Variants in GIPC2 observed in about 807,000 individuals in gnomAD.
GIPC2 encodes the protein PDZ domain-containing protein GIPC2.
GIPC2 carries 30 observed loss-of-function variants against 30.6 expected under a neutral mutation model. The observed-to-expected ratio is 0.98, with a 90% CI of 0.73 to 1.33. The LOEUF (loss-of-function observed/expected upper bound fraction) is 1.33, where lower values mean the gene tolerates loss of function less well. Ranked by LOEUF, GIPC2 falls within the 40% of genes most tolerant of loss-of-function variation. The pLI is 0.00. For synonymous variants in GIPC2, 167 were observed against 150.0 expected, an observed-to-expected ratio of 1.11 and a Z score of -0.83; for missense variants, 414 against 390.3, an observed-to-expected ratio of 1.06 and a Z score of -0.51.
intron 4 of GIPC2, among the ~76,000 whole-genome samples, chr1:78,121,941 A>G (rs539846153): frequency 2.0e-5 from 3 of 152,184 alleles, no homozygotes; most frequent in Non-Finnish European, 4.4e-5. Flanking sequence ...GGCTGTGAGG[A>G]AAAATGAGCA....
intron 2 of GIPC2, chr1:78,091,546 C>T: frequency 1.3e-6 from 1 of 754,944 alleles, no homozygotes; most frequent in Admixed American, 1.8e-5. Context: ...AGGACCTGCT[C>T]CTGCAGGATT....
chr1:78,077,862 G>T (rs144365169), intron 1 of GIPC2, among the ~76,000 whole-genome samples: 1 of 152,162 alleles, frequency 6.6e-6, no homozygotes. Context: ...CTTTTGATGA[G>T]TGAATGAGCA....
chr1:78,124,852 A>G (rs932769147), intron 4 of GIPC2, among the ~76,000 whole-genome samples: 4 of 152,132 alleles, frequency 2.6e-5, no homozygotes, highest in African/African-American at 9.7e-5. Context: ...CTAAAAAAAT[A>G]CAAAAAATTA....
intron 2 of GIPC2, among the ~76,000 whole-genome samples, chr1:78,091,220 T>C (rs910043935): frequency 1.3e-5 from 2 of 152,250 alleles, no homozygotes; most frequent in African/African-American, 4.8e-5. Context: ...TAAATATCCT[T>C]TTCCTAGGCT....
intron 5 of GIPC2, among the ~76,000 whole-genome samples, chr1:78,134,466 C>T (rs1344867816): frequency 6.6e-6 from 1 of 151,940 alleles, no homozygotes; most frequent in Non-Finnish European, 1.5e-5. Flanking sequence ...CCATCCTCAC[C>T]ACATCTGTAC....
At chr1:78,062,043 G>A (rs539060522) in intron 1 of GIPC2, among the ~76,000 whole-genome samples, 5 of 152,304 alleles carry the variant, frequency 3.3e-5, no homozygotes, top group African/African-American at 9.6e-5. Flanking sequence ...ATAAATCAAA[G>A]CACATGGAGA....
intron 1 of GIPC2, among the ~76,000 whole-genome samples, chr1:78,057,331 C>T (rs2102638635): frequency 6.6e-6 from 1 of 152,196 alleles, no homozygotes. Context: ...CCTAAGAAAC[C>T]CTCTCAGCTA....
chr1:78,098,256 T>C (rs114567941), intron 3 of GIPC2, among the ~76,000 whole-genome samples: 1,846 of 152,252 alleles, frequency 0.012, 42 homozygotes, highest in African/African-American at 0.042. Flanking sequence ...TGTTTGGCAG[T>C]GGACTATCTA....
At chr1:78,088,009 C>T (rs990021775) in intron 2 of GIPC2, among the ~76,000 whole-genome samples, 1 of 152,012 alleles carries the variant, frequency 6.6e-6, no homozygotes, top group Non-Finnish European at 1.5e-5. Flanking sequence ...AAAGCTGAAC[C>T]TCACTGATCA....
chr1:78,118,247 CAAAAAAAAAAA>C (rs71810685), intron 3 of GIPC2, among the ~76,000 whole-genome samples: 20,207 of 34,366 alleles, frequency 0.59, 5,758 homozygotes, highest in East Asian at 0.81. Context: ...AGTTTCATTG[CAAAAAAAAAAA>C]AAAAAAAAAA....
At chr1:78,071,657 G>C (rs1365306993) in intron 1 of GIPC2, among the ~76,000 whole-genome samples, 1 of 149,836 alleles carries the variant, frequency 6.7e-6, no homozygotes, top group Non-Finnish European at 1.5e-5. Context: ...AGGCTGTCTC[G>C]AACTCCTGAG....
intron 5 of GIPC2, among the ~76,000 whole-genome samples, chr1:78,131,602 A>T (rs1662899946): frequency 6.6e-6 from 1 of 152,300 alleles, no homozygotes; most frequent in African/African-American, 2.4e-5. Context: ...AATATGCTGT[A>T]CCTTTATAAA....
intron 1 of GIPC2, among the ~76,000 whole-genome samples, chr1:78,071,481 T>G (rs917989994): frequency 6.6e-6 from 1 of 151,888 alleles, no homozygotes; most frequent in Non-Finnish European, 1.5e-5. Flanking sequence ...AAGGTTTTTT[T>G]TTTTGCTCCT....
At chr1:78,053,070 TGAAAGAA>T (rs1661223704) in intron 1 of GIPC2, among the ~76,000 whole-genome samples, 3 of 152,090 alleles carry the variant, frequency 2.0e-5, no homozygotes, top group Admixed American at 6.6e-5. Context: ...CTACAAAAAA[TGAAAGAA>T]TTGGGAATTG....
chr1:78,101,247 C>T (rs1345327922), intron 3 of GIPC2, among the ~76,000 whole-genome samples: 3 of 152,084 alleles, frequency 2.0e-5, no homozygotes, highest in Admixed American at 2.0e-4. Flanking sequence ...TCACTTGTCC[C>T]ACGAGCAGAT....
At chr1:78,115,002 A>G (rs2100419083) in intron 3 of GIPC2, among the ~76,000 whole-genome samples, 1 of 152,302 alleles carries the variant, frequency 6.6e-6, no homozygotes, top group East Asian at 1.9e-4. Context: ...CTTCTATGCT[A>G]CATACATTTT....
At chr1:78,114,330 C>T (rs573201299) in intron 3 of GIPC2, among the ~76,000 whole-genome samples, 5 of 152,192 alleles carry the variant, frequency 3.3e-5, no homozygotes, top group Non-Finnish European at 7.3e-5. Flanking sequence ...GTTGGCCAGA[C>T]GTGCTTAGAC....
chr1:78,095,053 T>C lies in GIPC2; in HGVS notation c.528T>C (p.Tyr176=), dbSNP rs1316744536. ...AAAATATTGTTGGGTGGCGTCACTA[T>C]GATGTTGCTAAGAAGTTAAAGGAAT... The part of the protein sequence containing the change: ...NGENIVGWRH[Y]DVAKKLKELK... Residue 176 remains tyrosine (Y), a synonymous_variant, in exon 3 of 6, where the codon TAT becomes TAC. Transcript: ENST00000370759. The C allele has an allele frequency of 3.1e-6, 5 of 1,608,694 alleles. No homozygotes were observed. The highest frequency in any genetic ancestry group is 4.3e-6 in the Non-Finnish European group (5 of 1,175,234).
intron 3 of GIPC2, among the ~76,000 whole-genome samples, chr1:78,099,783 A>G (rs1045402216): frequency 1.3e-5 from 2 of 152,054 alleles, no homozygotes; most frequent in Non-Finnish European, 2.9e-5. Context: ...GTCTGAAGGT[A>G]TGAATGGTGC....
Sources: allele counts gnomAD v4.1 joint callset (sites outside exome capture counted in the v4.1 genomes callset), GRCh38; gene constraint gnomAD v4.1.1; transcripts MANE v1.5; gene names NCBI Gene and HGNC (gene_info 2026-07-23, HGNC 2026-07-21).